Variants in ATP8A2 observed in about 807,000 individuals in gnomAD.
The protein encoded by ATP8A2 is phospholipid-transporting ATPase IB.
A neutral mutation model predicts 165.6 loss-of-function variants in ATP8A2; 100 were observed. The ratio of observed to expected loss-of-function variants is 0.60; its 90% CI spans 0.51 to 0.71. The LOEUF (loss-of-function observed/expected upper bound fraction) is 0.71. Ranked by LOEUF, ATP8A2 falls within the 30% of genes least tolerant of loss-of-function variation. The probability of loss-of-function intolerance (pLI) is 0.00; values close to 1 mark genes in which losing one functional copy is unlikely to be tolerated. For synonymous variants in ATP8A2, 543 were observed against 548.8 expected (o/e 0.99, Z 0.15); for missense variants, 1,227 against 1,479.5 (o/e 0.83, Z 2.80).
chr13:25,745,298 A>T (rs1446194232), intron 25 of ATP8A2, among the ~76,000 whole-genome samples: 1 of 152,128 alleles, frequency 6.6e-6, no homozygotes, highest in Non-Finnish European at 1.5e-5. Context: ...TGCTCATGGC[A>T]TAGAACTCAG....
At chr13:26,017,501 A>T (rs1957004425) in intron 36 of ATP8A2, among the ~76,000 whole-genome samples, 1 of 152,182 alleles carries the variant, frequency 6.6e-6, no homozygotes, top group South Asian at 2.1e-4. Flanking sequence ...TGGGGATGAG[A>T]GTGTGTGTGC....
chr13:25,740,835 G>A (rs187752453), intron 25 of ATP8A2, among the ~76,000 whole-genome samples: 4 of 152,282 alleles, frequency 2.6e-5, no homozygotes, highest in Admixed American at 2.6e-4. Context: ...AAGTGTTGAT[G>A]AGTGATAGGA....
chr13:25,589,821 A>G (rs757276676), intron 24 of ATP8A2, 122 bp downstream of exon 24: 34 of 600,092 alleles, frequency 5.7e-5, no homozygotes, highest in Non-Finnish European at 8.8e-5. Context: ...AACTGTGTTT[A>G]TTTTCTGTTT....
chr13:25,384,657 C>T (rs561922820), intron 1 of ATP8A2, among the ~76,000 whole-genome samples: 1 of 151,994 alleles, frequency 6.6e-6, no homozygotes, highest in African/African-American at 2.4e-5. Flanking sequence ...TTGGAAAGAT[C>T]TCTAACTGAC....
intron 33 of ATP8A2, among the ~76,000 whole-genome samples, chr13:25,940,513 A>G (rs1205589037): frequency 6.6e-6 from 1 of 152,026 alleles, no homozygotes; most frequent in African/African-American, 2.4e-5. Flanking sequence ...ACACTGACTC[A>G]TGCATATTAC....
chr13:25,810,723 A>G (rs1950847805), intron 27 of ATP8A2, among the ~76,000 whole-genome samples: 1 of 152,164 alleles, frequency 6.6e-6, no homozygotes, highest in African/African-American at 2.4e-5. Flanking sequence ...CTGGGACATG[A>G]ATGGCTCACT....
In ATP8A2 at chr13:25,779,167, G is replaced by A. The variant is rs149020736; in HGVS notation, c.2679+4208G>A. Among the ~76,000 whole-genome samples, 170 of 151,830 alleles carry A rather than the reference G, an allele frequency of 1.1e-3. 4 individuals carry two copies. The East Asian group carries it at 0.029, about 26-fold the overall frequency. On this transcript the variant is annotated intron_variant, in intron 27 of 36. Coordinates refer to ENST00000381655, the MANE Select transcript of ATP8A2 (RefSeq NM_016529.6). ...TCACAAACACTTGGCTGCTTTCATC[G>A]CCTTGAGAGAGACAAAAATGTATAA...
Position 25,638,577 on chromosome 13 carries a change from A to C in ATP8A2, c.2211+48878A>C, listed in dbSNP as rs567134025. 9.2e-5 allele frequency among the ~76,000 whole-genome samples: 14 copies of C among 152,318 alleles called. No individual in the cohort carries two copies. In the South Asian group the frequency reaches 2.9e-3, roughly 32 times the overall value. ...AGAGAAAGATGAGTAAAAAGAAACT[A>C]TCAGAGCCCCCAAGAAATATGGGAC... On this transcript the variant is annotated intron_variant, in intron 24 of 36. Transcript: ENST00000381655.
chr13:25,430,719 T>G (rs2034586040), intron 1 of ATP8A2, among the ~76,000 whole-genome samples: 1 of 152,164 alleles, frequency 6.6e-6, no homozygotes, highest in South Asian at 2.1e-4. Context: ...TACCTCAGCC[T>G]CCTGAGTAGC....
intron 24 of ATP8A2, among the ~76,000 whole-genome samples, chr13:25,596,567 G>T (rs1365107536): frequency 6.6e-6 from 1 of 152,088 alleles, no homozygotes; most frequent in Non-Finnish European, 1.5e-5. Flanking sequence ...CAATTATTTT[G>T]ATATTCATCC....
chr13:25,503,255 TC>T (rs1485296997), intron 2 of ATP8A2, among the ~76,000 whole-genome samples: 1 of 152,158 alleles, frequency 6.6e-6, no homozygotes, highest in African/African-American at 2.4e-5. Flanking sequence ...AGTCCAAGGC[TC>T]CTTCTGTGGA....
intron 2 of ATP8A2, among the ~76,000 whole-genome samples, chr13:25,489,418 T>C (rs1331077042): frequency 6.6e-6 from 1 of 152,178 alleles, no homozygotes; most frequent in East Asian, 1.9e-4. Flanking sequence ...GTCCTGCATC[T>C]CCACCGTTTG....
In ATP8A2 at chr13:25,590,291, G is replaced by A. The variant is rs1181177133; in HGVS notation, c.2211+592G>A. Among the ~76,000 whole-genome samples the A allele has an allele frequency of 2.0e-5, 3 of 152,240 alleles. 1 individual carries two copies. In the East Asian group the frequency reaches 5.8e-4, roughly 29 times the overall value. On this transcript the variant is annotated intron_variant, in intron 24 of 36. Coordinates refer to ENST00000381655, the MANE Select transcript of ATP8A2 (RefSeq NM_016529.6). ...AATGGAAAAATTGGCCAGCCGTGGT[G>A]GCATATGCCTGTAGTCCCAGCTGCT...
At chr13:25,395,414 G>A (rs1209803277) in intron 1 of ATP8A2, among the ~76,000 whole-genome samples, 1 of 151,974 alleles carries the variant, frequency 6.6e-6, no homozygotes, top group Non-Finnish European at 1.5e-5. Flanking sequence ...CCCTCTGAAA[G>A]TTTGCTGAAA....
intron 35 of ATP8A2, among the ~76,000 whole-genome samples, chr13:25,999,103 C>G (rs534629620): frequency 2.2e-4 from 33 of 152,282 alleles, no homozygotes; most frequent in Middle Eastern, 3.4e-3. Flanking sequence ...AGTCGCACCA[C>G]AAATCAGTTA....
chr13:25,758,089 C>T (rs988045042), intron 25 of ATP8A2, among the ~76,000 whole-genome samples: 2 of 152,200 alleles, frequency 1.3e-5, no homozygotes, highest in African/African-American at 4.8e-5. Flanking sequence ...TTACTCTTTA[C>T]TGAATAGCTA....
chr13:25,647,506 C>T (rs936172651), intron 24 of ATP8A2, among the ~76,000 whole-genome samples: 2 of 151,966 alleles, frequency 1.3e-5, no homozygotes, highest in African/African-American at 4.8e-5. Context: ...TTTCTTATCT[C>T]TTGCTGTTCT....
At chr13:25,560,609 A>AGAATCAGTT (rs1332502357) in intron 15 of ATP8A2, among the ~76,000 whole-genome samples, 1 of 143,542 alleles carries the variant, frequency 7.0e-6, no homozygotes, top group East Asian at 2.3e-4. Flanking sequence ...CTGAGGCAGG[A>AGAATCAGTT]GAATCAGTTG....
At chr13:25,519,307 T>G (rs1241561321) in intron 2 of ATP8A2, among the ~76,000 whole-genome samples, 1 of 152,158 alleles carries the variant, frequency 6.6e-6, no homozygotes, top group African/African-American at 2.4e-5. Context: ...TGTACCCTTC[T>G]GTATCCTCCT....
Sources: gnomAD v4.1 joint callset for allele counts (sites outside exome capture counted in the v4.1 genomes callset) on GRCh38, gnomAD v4.1.1 for gene constraint, MANE v1.5 for transcripts, NCBI Gene and HGNC (gene_info 2026-07-23, HGNC 2026-07-21) for gene names.